The following SGCD variants were observed in gnomAD, a reference collection of about 807,000 sequenced individuals.
The protein encoded by SGCD is delta-sarcoglycan.
A neutral mutation model predicts 36.6 loss-of-function variants in SGCD; 18 were observed. The ratio of observed to expected loss-of-function variants is 0.49; its 90% CI spans 0.34 to 0.73. The LOEUF (loss-of-function observed/expected upper bound fraction) is 0.73. SGCD is among the 30% of genes least tolerant of loss of function. The pLI is 0.01. For missense variants in SGCD, 387 were observed against 346.7 expected (o/e 1.12, Z -0.92); for synonymous variants, 133 against 130.6 (o/e 1.02, Z -0.12).
chr5:156,385,894 C>T (rs1246932130), intron 3 of SGCD, among the ~76,000 whole-genome samples: 1 of 152,198 alleles, frequency 6.6e-6, no homozygotes, highest in Non-Finnish European at 1.5e-5. Context: ...ACTACCCTCA[C>T]AGGTCTTTTT....
At chr5:156,090,956 T>G (rs1427681381) in intron 1 of SGCD, among the ~76,000 whole-genome samples, 2 of 152,232 alleles carry the variant, frequency 1.3e-5, no homozygotes, top group Admixed American at 6.5e-5. Flanking sequence ...TTTTTCCTTG[T>G]TCCCTAAAAA....
At chr5:156,571,978 A>G (rs544222391) in intron 4 of SGCD, among the ~76,000 whole-genome samples, 1 of 152,304 alleles carries the variant, frequency 6.6e-6, no homozygotes, top group East Asian at 1.9e-4. Flanking sequence ...TACTCTGGAT[A>G]TTTCAGATAA....
chr5:155,819,165 C>T, the SGCD span, among the ~76,000 whole-genome samples: 1 of 152,188 alleles, frequency 6.6e-6, no homozygotes, highest in Non-Finnish European at 1.5e-5. Context: ...GTTTCTTCCA[C>T]TTCAAACATT....
chr5:156,389,437 GAAGGATAC>G (rs1771446191), intron 3 of SGCD, among the ~76,000 whole-genome samples: 2 of 152,172 alleles, frequency 1.3e-5, no homozygotes, highest in Non-Finnish European at 2.9e-5. Context: ...ACTATCTCCA[GAAGGATAC>G]AAGTCCAAAG....
intron 2 of SGCD, 32 bp downstream of exon 2, chr5:156,329,611 A>G: frequency 3.1e-6 from 5 of 1,606,568 alleles, no homozygotes; most frequent in Non-Finnish European, 4.3e-6. Context: ...AGCTTGTTCA[A>G]GGCCCTGCTC....
At chr5:156,120,109 A>G (rs1761999992) in intron 2 of SGCD, among the ~76,000 whole-genome samples, 1 of 152,162 alleles carries the variant, frequency 6.6e-6, no homozygotes, top group Admixed American at 6.6e-5. Flanking sequence ...AAGGATTTCG[A>G]AAAAGCTAAT....
intron 1 of SGCD, among the ~76,000 whole-genome samples, chr5:155,938,781 A>G (rs1366814218): frequency 3.9e-5 from 6 of 152,192 alleles, no homozygotes; most frequent in Admixed American, 2.6e-4. Context: ...ATTTAATCCT[A>G]CCAGTATACC....
Position 156,643,588 on chromosome 5 carries a change from G to T in SGCD, c.503-3876G>T, listed in dbSNP as rs112114114. Among the ~76,000 whole-genome samples, 70 of 152,130 alleles carry T rather than the reference G, an allele frequency of 4.6e-4. 1 individual carries two copies. The highest frequency in any genetic ancestry group is 1.6e-3 in the African/African-American group (66 of 41,516). On this transcript the variant is annotated intron_variant, in intron 6 of 8. Coordinates refer to ENST00000337851, the MANE Select transcript of SGCD (RefSeq NM_000337.6). ...AGATTATGTAATCCACCCAAATGGAGAAATAATACTAAAGGGAAAATTGTC... is the reference window on the plus strand; with the variant it reads ...AGATTATGTAATCCACCCAAATGGATAAATAATACTAAAGGGAAAATTGTC...
chr5:156,336,161 G>C (rs1014415932), intron 2 of SGCD, among the ~76,000 whole-genome samples: 1 of 152,152 alleles, frequency 6.6e-6, no homozygotes, highest in Non-Finnish European at 1.5e-5. Flanking sequence ...TAGCCACACT[G>C]TCCTCCTCAC....
intron 4 of SGCD, among the ~76,000 whole-genome samples, chr5:156,568,322 A>G (rs539333407): frequency 3.2e-4 from 48 of 152,274 alleles, no homozygotes; most frequent in African/African-American, 1.1e-3. Context: ...AGGCAGAGGT[A>G]GTGAGCCAAT....
intron 6 of SGCD, among the ~76,000 whole-genome samples, chr5:156,610,044 T>C (rs972798080): frequency 2.6e-5 from 4 of 152,240 alleles, no homozygotes; most frequent in African/African-American, 9.6e-5. Flanking sequence ...TTCTCTCAAC[T>C]TGTCAAAGTC....
intron 3 of SGCD, among the ~76,000 whole-genome samples, chr5:156,381,268 T>C (rs1031967878): frequency 1.3e-5 from 2 of 152,218 alleles, no homozygotes; most frequent in Non-Finnish European, 1.5e-5. Flanking sequence ...TCCTTATCAT[T>C]ATGTGTTCAT....
chr5:156,503,891 T>C (rs1192971969), intron 3 of SGCD, among the ~76,000 whole-genome samples: 1 of 152,070 alleles, frequency 6.6e-6, no homozygotes, highest in Non-Finnish European at 1.5e-5. Context: ...TATTGGTGTT[T>C]CTAGAAGATT....
chr5:155,898,108 C>T (rs993343934), intron 1 of SGCD, among the ~76,000 whole-genome samples: 4 of 152,212 alleles, frequency 2.6e-5, no homozygotes, highest in African/African-American at 9.6e-5. Context: ...ATCCCTTTCT[C>T]CTTTTGCTGT....
chr5:156,550,099 A>G (rs1466888062), intron 4 of SGCD, among the ~76,000 whole-genome samples: 1 of 152,256 alleles, frequency 6.6e-6, no homozygotes, highest in East Asian at 1.9e-4. Context: ...AGAGGGGGAA[A>G]GAAGTAGATC....
chr5:156,077,724 ATC>A (rs780622850), intron 1 of SGCD, among the ~76,000 whole-genome samples: 1 of 152,062 alleles, frequency 6.6e-6, no homozygotes, highest in South Asian at 2.1e-4. Context: ...CCCCTAGATA[ATC>A]TCTCCTTTCT....
At chr5:156,412,459 T>C (rs1772813151) in intron 3 of SGCD, among the ~76,000 whole-genome samples, 1 of 152,228 alleles carries the variant, frequency 6.6e-6, no homozygotes, top group African/African-American at 2.4e-5. Context: ...GAATATTCTT[T>C]GTGCCCCAGG....
intron 1 of SGCD, among the ~76,000 whole-genome samples, chr5:155,932,287 C>T (rs1757114205): frequency 6.6e-6 from 1 of 152,190 alleles, no homozygotes; most frequent in African/African-American, 2.4e-5. Context: ...TATTTCCCAA[C>T]TGTAGACTTT....
At chr5:156,169,170 A>G (rs1763284269) in intron 3 of SGCD, among the ~76,000 whole-genome samples, 1 of 152,278 alleles carries the variant, frequency 6.6e-6, no homozygotes, top group African/African-American at 2.4e-5. Context: ...TTCTTTGACC[A>G]CTTGAAAAAT....
Sources: gnomAD v4.1 joint callset for allele counts (sites outside exome capture counted in the v4.1 genomes callset) on GRCh38, gnomAD v4.1.1 for gene constraint, MANE v1.5 for transcripts, NCBI Gene and HGNC (gene_info 2026-07-23, HGNC 2026-07-21) for gene names.